SNTG2: variants seen among roughly 807,000 people sequenced by gnomAD.
SNTG2 encodes the protein gamma-2-syntrophin.
In SNTG2, 74 loss-of-function variants were observed where a neutral mutation model predicts 70.9. The ratio of observed to expected loss-of-function variants is 1.04; its 90% confidence interval spans 0.86 to 1.27. SNTG2 has a LOEUF of 1.27. SNTG2 is among the 50% of genes most tolerant of loss of function. The probability of loss-of-function intolerance (pLI) is 0.00; values close to 1 mark genes in which losing one functional copy is unlikely to be tolerated. For missense variants in SNTG2, 717 were observed against 690.7 expected, an observed-to-expected ratio of 1.04 and a Z score of -0.43; for synonymous variants, 278 against 273.8, an observed-to-expected ratio of 1.02 and a Z score of -0.15.
intron 9 of SNTG2, among the ~76,000 whole-genome samples, chr2:1,236,447 C>T (rs1255657567): frequency 6.6e-6 from 1 of 152,236 alleles, no homozygotes; most frequent in Non-Finnish European, 1.5e-5. Context: ...CCTGCCCTCC[C>T]CATGCAGGGG....
chr2:1,285,839 C>A (rs1249908954), intron 14 of SNTG2, among the ~76,000 whole-genome samples: 1 of 152,116 alleles, frequency 6.6e-6, no homozygotes, highest in Non-Finnish European at 1.5e-5. Flanking sequence ...AGGGTCTGGA[C>A]CATTTGTAGT....
intron 14 of SNTG2, among the ~76,000 whole-genome samples, chr2:1,282,582 G>T (rs575161360): frequency 6.6e-6 from 1 of 152,280 alleles, no homozygotes; most frequent in African/African-American, 2.4e-5. Flanking sequence ...GAATCCAGAG[G>T]CAGTATCTGC....
chr2:969,499 G>A (rs546163204), intron 1 of SNTG2, among the ~76,000 whole-genome samples: 1 of 152,252 alleles, frequency 6.6e-6, no homozygotes, highest in African/African-American at 2.4e-5. Context: ...CATGAGCATG[G>A]AATGTTTTTC....
chr2:1,335,409 AG>A (rs1659769833), intron 16 of SNTG2, among the ~76,000 whole-genome samples: 1 of 152,172 alleles, frequency 6.6e-6, no homozygotes, highest in South Asian at 2.1e-4. Context: ...AAGGTGAACC[AG>A]GGCTATAGCT....
chr2:1,185,501 A>C (rs1157083277), intron 8 of SNTG2, among the ~76,000 whole-genome samples: 4 of 152,182 alleles, frequency 2.6e-5, no homozygotes, highest in African/African-American at 9.7e-5. Context: ...ACATCCAGGA[A>C]TTTCCATACA....
intron 8 of SNTG2, among the ~76,000 whole-genome samples, chr2:1,184,304 C>T (rs1465163854): frequency 6.6e-6 from 1 of 152,152 alleles, no homozygotes; most frequent in Non-Finnish European, 1.5e-5. Context: ...GGAACATCAA[C>T]ACATTTTATC....
intron 14 of SNTG2, among the ~76,000 whole-genome samples, chr2:1,295,932 C>G (rs1187654267): frequency 6.6e-6 from 1 of 151,728 alleles, no homozygotes; most frequent in Admixed American, 6.6e-5. Flanking sequence ...GAGGGTGAGG[C>G]AGACGTCACC....
chr2:1,328,137 G>T (rs1032147636), intron 16 of SNTG2, among the ~76,000 whole-genome samples: 4 of 151,972 alleles, frequency 2.6e-5, no homozygotes, highest in Admixed American at 2.6e-4. Context: ...AGCACTAGGG[G>T]GATGGTGCTG....
chr2:1,044,492 T>A (rs1661615746), intron 1 of SNTG2, among the ~76,000 whole-genome samples: 1 of 152,146 alleles, frequency 6.6e-6, no homozygotes, highest in South Asian at 2.1e-4. Flanking sequence ...ATGCTTCTGG[T>A]TTTTGCTCAT....
At chr2:1,125,023 C>T (rs1202840633) in intron 4 of SNTG2, among the ~76,000 whole-genome samples, 1 of 152,114 alleles carries the variant, frequency 6.6e-6, no homozygotes, top group African/African-American at 2.4e-5. Flanking sequence ...ACTATAGTAA[C>T]CATTTTACTA....
intron 1 of SNTG2, among the ~76,000 whole-genome samples, chr2:1,003,793 A>T (rs185580820): frequency 6.6e-6 from 1 of 152,276 alleles, no homozygotes; most frequent in Admixed American, 6.5e-5. Context: ...CTATTATTTC[A>T]TTTTGAAATC....
At chr2:979,247 G>A (rs182884099) in intron 1 of SNTG2, among the ~76,000 whole-genome samples, 1 of 152,312 alleles carries the variant, frequency 6.6e-6, no homozygotes, top group African/African-American at 2.4e-5. Context: ...TACATCTATA[G>A]TGGCTGCTTC....
intron 14 of SNTG2, among the ~76,000 whole-genome samples, chr2:1,301,760 T>TA (rs1680463763): frequency 1.3e-5 from 2 of 152,020 alleles, no homozygotes; most frequent in African/African-American, 2.4e-5. Context: ...TTTTAGTAAT[T>TA]AAAAAAATTG....
chr2:1,209,688 GTTAA>G (rs1026270473), intron 9 of SNTG2, among the ~76,000 whole-genome samples: 1 of 152,158 alleles, frequency 6.6e-6, no homozygotes, highest in African/African-American at 2.4e-5. Flanking sequence ...TGTGAGTTTG[GTTAA>G]TTAAATAATT....
intron 1 of SNTG2, among the ~76,000 whole-genome samples, chr2:955,740 T>A (rs1348346054): frequency 1.3e-5 from 2 of 152,218 alleles, no homozygotes; most frequent in African/African-American, 2.4e-5. Context: ...TAGAAAATAA[T>A]CTGCATTTTT....
At chr2:1,114,693 G>A (rs1451561000) in intron 4 of SNTG2, among the ~76,000 whole-genome samples, 1 of 151,946 alleles carries the variant, frequency 6.6e-6, no homozygotes, top group East Asian at 1.9e-4. Context: ...GAAGGATCGT[G>A]TGTACTCATG....
intron 16 of SNTG2, among the ~76,000 whole-genome samples, chr2:1,331,947 T>C (rs1051418531): frequency 2.0e-5 from 3 of 151,740 alleles, no homozygotes; most frequent in Admixed American, 1.3e-4. Context: ...GGTGCCTGCT[T>C]GGCTGCCTCT....
chr2:1,079,327 G>A (rs1334555665), intron 1 of SNTG2, among the ~76,000 whole-genome samples: 2 of 152,198 alleles, frequency 1.3e-5, no homozygotes, highest in African/African-American at 2.4e-5. Flanking sequence ...TGCATATTAC[G>A]GCAAATAATT....
chr2:1,065,028 A>G (rs1328267817), intron 1 of SNTG2, among the ~76,000 whole-genome samples: 6 of 152,118 alleles, frequency 3.9e-5, no homozygotes, highest in Admixed American at 3.9e-4. Flanking sequence ...TGGGAAGGAG[A>G]TTTTATGAGA....
Sources: gnomAD v4.1 joint callset for allele counts (sites outside exome capture counted in the v4.1 genomes callset) on GRCh38, gnomAD v4.1.1 for gene constraint, MANE v1.5 for transcripts, NCBI Gene and HGNC (gene_info 2026-07-23, HGNC 2026-07-21) for gene names.